ELAVL2: variants seen among roughly 807,000 people sequenced by gnomAD.
ELAVL2 encodes ELAV-like protein 2.
Under a neutral mutation model 34.6 loss-of-function variants are expected in ELAVL2, and 4 were observed. That is an observed-to-expected ratio of 0.12 (90% CI 0.06 to 0.26). The LOEUF is 0.26. Ranked by LOEUF, ELAVL2 falls within the 10% of genes least tolerant of loss-of-function variation. ELAVL2 has a pLI of 1.00. For synonymous variants in ELAVL2, 193 were observed against 154.8 expected (o/e 1.25, Z -1.83); for missense variants, 432 against 442.8 (o/e 0.98, Z 0.22).
chr9:23,803,843 GACCTCACCAA>G (rs780895513), intron 1 of ELAVL2, among the ~76,000 whole-genome samples: 11 of 152,216 alleles, frequency 7.2e-5, no homozygotes, highest in African/African-American at 2.6e-4. Context: ...GTTTGCAGCA[GACCTCACCAA>G]ACTCCCATAA....
chr9:23,727,149 A>G (rs1259015454), intron 3 of ELAVL2, among the ~76,000 whole-genome samples: 1 of 152,076 alleles, frequency 6.6e-6, no homozygotes, highest in East Asian at 1.9e-4. Flanking sequence ...TTAACCCAAA[A>G]TAGCTGCCTC....
chr9:23,759,687 A>G lies in ELAVL2; in HGVS notation c.229+2319T>C, dbSNP rs76712392. On this transcript the variant is annotated intron_variant, in intron 2 of 6. Coordinates refer to ENST00000397312, the MANE Select transcript of ELAVL2 (RefSeq NM_004432.5). ...AAATTTGTTCAATTATGTGTTAACT[A>G]TATACAAATATATACTATATATAGT... Among the ~76,000 whole-genome samples, 779 of 147,526 alleles carry G rather than the reference A, an allele frequency of 5.3e-3. 24 individuals are homozygous for G. The East Asian group carries it at 0.088, about 17-fold the overall frequency.
chr9:23,824,814 G>A (rs2065187671), intron 1 of ELAVL2, among the ~76,000 whole-genome samples: 2 of 152,154 alleles, frequency 1.3e-5, no homozygotes, highest in African/African-American at 2.4e-5. Flanking sequence ...TTCTCCTGGC[G>A]TCAATTTAAC....
intron 3 of ELAVL2, among the ~76,000 whole-genome samples, chr9:23,709,896 C>A (rs915463214): frequency 1.3e-5 from 2 of 152,060 alleles, no homozygotes; most frequent in African/African-American, 4.8e-5. Flanking sequence ...CACTGAACAC[C>A]AATCTACTCC....
At chr9:23,800,124 A>G (rs1209971841) in intron 1 of ELAVL2, among the ~76,000 whole-genome samples, 1 of 152,202 alleles carries the variant, frequency 6.6e-6, no homozygotes, top group African/African-American at 2.4e-5. Context: ...CAATTCAAAA[A>G]TGAGAAAAGA....
chr9:23,812,698 T>C (rs915129058), intron 1 of ELAVL2, among the ~76,000 whole-genome samples: 1 of 151,698 alleles, frequency 6.6e-6, no homozygotes, highest in Admixed American at 6.6e-5. Flanking sequence ...ACACAGTTAA[T>C]TCAAAATTAA....
intron 1 of ELAVL2, among the ~76,000 whole-genome samples, chr9:23,786,781 C>CAAAAAAAAAAAAAAAAAAAA (rs57292061): frequency 1.7e-4 from 18 of 108,120 alleles, no homozygotes; most frequent in South Asian, 6.1e-4. Context: ...ATTTTAGTGG[C>CAAAAAAAAAAAAAAAAAAAA]AAAAAAAAAA....
chr9:23,836,302 C>T, the ELAVL2 span, among the ~76,000 whole-genome samples: 2 of 152,158 alleles, frequency 1.3e-5, no homozygotes, highest in Non-Finnish European at 2.9e-5. Context: ...ACTGTTTAAG[C>T]TGTATGAGTA....
At chr9:23,771,291 A>T (rs1308963865) in intron 1 of ELAVL2, among the ~76,000 whole-genome samples, 1 of 152,200 alleles carries the variant, frequency 6.6e-6, no homozygotes, top group African/African-American at 2.4e-5. Context: ...AAACTGGTTT[A>T]GATACTAACT....
chr9:23,764,847 T>C (rs2136112950), intron 1 of ELAVL2, among the ~76,000 whole-genome samples: 1 of 152,196 alleles, frequency 6.6e-6, no homozygotes, highest in South Asian at 2.1e-4. Context: ...CAGTTAAAAT[T>C]GCAATGTGCT....
chr9:23,804,365 A>G (rs2061951707), intron 1 of ELAVL2, among the ~76,000 whole-genome samples: 1 of 152,150 alleles, frequency 6.6e-6, no homozygotes. Flanking sequence ...CAAAGAAAAT[A>G]CAAACATGTA....
chr9:23,716,543 C>T (rs1170984377), intron 3 of ELAVL2, among the ~76,000 whole-genome samples: 1 of 152,034 alleles, frequency 6.6e-6, no homozygotes, highest in Non-Finnish European at 1.5e-5. Flanking sequence ...TGACTTTTTT[C>T]GTCTTTGAGC....
At chr9:23,798,282 T>C (rs2061195423) in intron 1 of ELAVL2, among the ~76,000 whole-genome samples, 1 of 152,216 alleles carries the variant, frequency 6.6e-6, no homozygotes, top group South Asian at 2.1e-4. Context: ...TTAAATAATT[T>C]AGTTCTAACA....
At chr9:23,836,707 G>A in the ELAVL2 span, among the ~76,000 whole-genome samples, 1 of 151,996 alleles carries the variant, frequency 6.6e-6, no homozygotes, top group East Asian at 1.9e-4. Context: ...GCAAATAAAA[G>A]GAGGTTGAGA....
At chr9:23,707,937 G>T (rs1412563612) in intron 3 of ELAVL2, among the ~76,000 whole-genome samples, 2 of 152,174 alleles carry the variant, frequency 1.3e-5, no homozygotes, top group South Asian at 4.1e-4. Context: ...CAATTCAGAT[G>T]AGTGTAGGTG....
intron 3 of ELAVL2, among the ~76,000 whole-genome samples, chr9:23,709,558 C>G (rs1377921941): frequency 6.6e-6 from 1 of 152,018 alleles, no homozygotes; most frequent in Non-Finnish European, 1.5e-5. Flanking sequence ...TTTGGTTCTA[C>G]AAGACTAAAC....
At chr9:23,839,629 T>G in the ELAVL2 span, among the ~76,000 whole-genome samples, 1 of 152,120 alleles carries the variant, frequency 6.6e-6, no homozygotes, top group Admixed American at 6.6e-5. Flanking sequence ...TTTTACACAA[T>G]TATTAATTTT....
chr9:23,735,427 A>C (rs961748614), intron 2 of ELAVL2: 3 of 152,050 alleles, frequency 2.0e-5, no homozygotes, highest in Non-Finnish European at 4.4e-5. Context: ...ACAGGCATGC[A>C]TCACCACACC....
At chr9:23,786,785 A>C (rs1462347707) in intron 1 of ELAVL2, among the ~76,000 whole-genome samples, 7,162 of 99,920 alleles carry the variant, frequency 0.072, 173 homozygotes, top group Middle Eastern at 0.14. Flanking sequence ...TAGTGGCAAA[A>C]AAAAAAAAAA....
Sources: gnomAD v4.1 joint callset for allele counts (sites outside exome capture counted in the v4.1 genomes callset) on GRCh38, gnomAD v4.1.1 for gene constraint, MANE v1.5 for transcripts, NCBI Gene and HGNC (gene_info 2026-07-23, HGNC 2026-07-21) for gene names.